The following TNPO3 variants were observed in gnomAD, a reference collection of about 807,000 sequenced individuals.
TNPO3 encodes the protein transportin-3.
TNPO3 carries 65 observed loss-of-function variants against 122.8 expected under a neutral mutation model. That is an observed-to-expected ratio of 0.53 (90% CI 0.43 to 0.65). TNPO3 has a LOEUF of 0.65. TNPO3 is among the 30% of genes least tolerant of loss of function. The probability of loss-of-function intolerance (pLI) is 0.00; values close to 1 mark genes in which losing one functional copy is unlikely to be tolerated. For synonymous variants in TNPO3, 372 were observed against 411.2 expected, an observed-to-expected ratio of 0.90 and a Z score of 1.15; for missense variants, 850 against 1,136.7, an observed-to-expected ratio of 0.75 and a Z score of 3.63.
At chr7:128,991,486 T>C (rs963753340) in intron 10 of TNPO3, among the ~76,000 whole-genome samples, 1 of 152,184 alleles carries the variant, frequency 6.6e-6, no homozygotes, top group African/African-American at 2.4e-5. Context: ...AGAAGTAAAA[T>C]TTGAATAATT....
chr7:128,977,283 C>T (rs772011064), intron 16 of TNPO3, among the ~76,000 whole-genome samples: 2 of 152,178 alleles, frequency 1.3e-5, no homozygotes, highest in Non-Finnish European at 2.9e-5. Context: ...ATGAGGGTAT[C>T]CTCCAACAGC....
chr7:129,055,839 G>T (rs1809409714), upstream of TNPO3: 1 of 562,042 alleles, frequency 1.8e-6, no homozygotes, highest in South Asian at 2.2e-5. Context: ...ACAGTATATT[G>T]ATATTAACAT....
chr7:129,015,131 T>C lies in TNPO3; in HGVS notation c.400A>G (p.Ser134Gly), dbSNP rs1479573485. The change falls in exon 4 of 23, where the codon AGC becomes GGC. Residue 134 changes from serine to glycine, a missense_variant. Physicochemically the swap from Ser to Gly is moderately conservative, Grantham distance 56 (BLOSUM62 0). Coordinates refer to ENST00000265388, the MANE Select transcript of TNPO3 (RefSeq NM_012470.4). ...AAAGGCAAAGAAGTCACATCATTGC[T>C]GTATCTGCAAAAGAAAAAAGTGGAG... ...GCVQTLVEKY[S>G]NDVTSLPFLL... 6.2e-7 allele frequency: 1 copy of C among 1,608,408 alleles called. No homozygotes were observed. Among genetic ancestry groups the C allele is most frequent in the Non-Finnish European group, 8.5e-7 (1 of 1,178,936 alleles).
chr7:129,016,777 C>T lies in TNPO3; in HGVS notation c.395+206G>A, dbSNP rs3847099. Reference sequence around the variant, plus strand: ...TTCAAGAAGTGTGTGTTACATAAATCACTAGTCTTTTACATCCCACACAAT... The same window carrying T: ...TTCAAGAAGTGTGTGTTACATAAATTACTAGTCTTTTACATCCCACACAAT... On this transcript the variant is annotated intron_variant, in intron 3 of 22. Transcript: ENST00000265388. Among the ~76,000 whole-genome samples, 96,853 of 152,112 alleles carry T rather than the reference C, an allele frequency of 0.64. 31,157 individuals carry two copies. The highest frequency in any genetic ancestry group is 0.71 in the Middle Eastern group (210 of 294).
chr7:129,016,783 T>C (rs1187628751), intron 3 of TNPO3, among the ~76,000 whole-genome samples, 200 bp downstream of exon 3: 2 of 152,252 alleles, frequency 1.3e-5, no homozygotes, highest in Non-Finnish European at 2.9e-5. Context: ...AAATCACTAG[T>C]CTTTTACATC....
chr7:129,027,501 T>TA (rs1805337856), intron 1 of TNPO3, among the ~76,000 whole-genome samples: 1 of 129,226 alleles, frequency 7.7e-6, no homozygotes, highest in Non-Finnish European at 1.5e-5. Context: ...GTGGATGCTG[T>TA]AGTGAGCCAA....
At chr7:129,004,954 C>T in intron 5 of TNPO3, 62 bp downstream of exon 5, 1 of 1,538,550 alleles carries the variant, frequency 6.5e-7, no homozygotes, top group South Asian at 1.2e-5. Flanking sequence ...TTTTATGTCC[C>T]AGCAGGTTAG....
chr7:129,017,009 C>G lies in TNPO3; in HGVS notation c.369G>C (p.Lys123Asn). ...ADLALQMPSW[K>N]GCVQTLVEKY... Reference sequence around the variant, plus strand: ...TTTCCACCAGTGTTTGCACACATCCCTTCCAGGAAGGCATCTGTAGGGCAA... The same window carrying G: ...TTTCCACCAGTGTTTGCACACATCCGTTCCAGGAAGGCATCTGTAGGGCAA... The change falls in exon 3 of 23, where the codon AAG (lysine) becomes AAC (asparagine). Residue 123 changes from lysine (K) to asparagine (N), a missense_variant. Physicochemically the swap from Lys to Asn is moderately conservative, Grantham distance 94 (BLOSUM62 0). Transcript: ENST00000265388. The G allele has an allele frequency of 1.2e-6, 2 of 1,613,142 alleles. No homozygotes were observed. The highest frequency in any genetic ancestry group is 1.1e-5 in the South Asian group (1 of 91,086).
intron 1 of TNPO3, among the ~76,000 whole-genome samples, chr7:129,022,565 G>A (rs554883001): frequency 6.6e-6 from 1 of 151,234 alleles, no homozygotes; most frequent in Non-Finnish European, 1.5e-5. Flanking sequence ...AAATACCAAC[G>A]CAGAACAACC....
At chr7:129,034,277 T>C (rs898924638) in intron 1 of TNPO3, among the ~76,000 whole-genome samples, 2 of 151,960 alleles carry the variant, frequency 1.3e-5, no homozygotes, top group African/African-American at 2.4e-5. Context: ...TCCCAACACT[T>C]TGGGAGACTG....
chr7:128,974,588 G>C (rs1217519729), intron 18 of TNPO3, among the ~76,000 whole-genome samples: 2 of 152,158 alleles, frequency 1.3e-5, no homozygotes, highest in African/African-American at 2.4e-5. Context: ...GAGGACTGTA[G>C]AGATGATCTA....
rs754938767 is a variant in TNPO3, at chr7:128,979,976, G to T, written c.1915C>A (p.Gln639Lys). 6 of 1,614,000 alleles carry T rather than the reference G, an allele frequency of 3.7e-6. No homozygotes were observed. The highest frequency in any genetic ancestry group is 5.1e-6 in the Non-Finnish European group (6 of 1,179,882). ...AAGCATCCATTAGCACTTACTTCCT[G>T]TATGACTTTCTGACACGGATGAGTC... ...GQTHPCQKVI[Q>K]EIWPVLSETL... Residue 639 changes from glutamine (Q) to lysine (K), a missense_variant, in exon 15 of 23, where the codon CAG becomes AAG. Physicochemically the swap from Gln to Lys is moderately conservative, Grantham distance 53. Transcript: ENST00000265388.
At chr7:129,001,268 T>TA in intron 5 of TNPO3, 34 bp from the exon 6 acceptor site, 1 of 1,580,280 alleles carries the variant, frequency 6.3e-7, no homozygotes, top group Non-Finnish European at 8.7e-7. Flanking sequence ...AAGCAAGAAG[T>TA]ATGATCACTA....
At position 128,976,124 on chromosome 7, in the gene TNPO3, T is replaced by A. The variant is rs958194303; in HGVS notation, c.2062-189A>T. Among the ~76,000 whole-genome samples the A allele has an allele frequency of 2.0e-5, 3 of 152,354 alleles. No homozygotes were observed. The South Asian group carries it at 6.2e-4, about 32-fold the overall frequency. On this transcript the variant is annotated intron_variant, in intron 16 of 22. Transcript: ENST00000265388. ...TCTCAATGATTTTCAGGTTCTCTAT[T>A]CTTCCAACCCTTTGACCTTTCATCT... is the stretch of plus-strand genomic sequence containing the variant.
chr7:129,003,603 T>A (rs1477052990), intron 5 of TNPO3, among the ~76,000 whole-genome samples: 1 of 152,012 alleles, frequency 6.6e-6, no homozygotes, highest in South Asian at 2.1e-4. Flanking sequence ...AGTTTGAGAC[T>A]ACAGTGAGCT....
intron 1 of TNPO3, 116 bp downstream of exon 1, chr7:129,054,535 C>A: frequency 6.8e-7 from 1 of 1,464,106 alleles, no homozygotes; most frequent in Non-Finnish European, 9.1e-7. Flanking sequence ...ACGACAGCAG[C>A]TCCTCCCCAA....
chr7:128,986,854 G>C lies in TNPO3; in HGVS notation c.1565C>G (p.Ala522Gly). 6.2e-7 allele frequency: 1 copy of C among 1,614,008 alleles called. No individual in the cohort carries two copies. The highest frequency in any genetic ancestry group is 1.3e-5 in the African/African-American group (1 of 75,022). Reference sequence around the variant, plus strand: ...GCAGACAGAGCAAATGTTATGAATGGCTTTGGCTGCAGCAGAAGCCAGGGG... The same window carrying C: ...GCAGACAGAGCAAATGTTATGAATGCCTTTGGCTGCAGCAGAAGCCAGGGG... Reference protein sequence around the residue: ...EKPLASAAAKAIHNICSVCRD... With the variant: ...EKPLASAAAKGIHNICSVCRD... The change falls in exon 12 of 23, where the codon GCC becomes GGC. Residue 522 changes from alanine to glycine, a missense_variant. Ala to Gly is a moderately conservative substitution (Grantham distance 60, BLOSUM62 0). Coordinates refer to ENST00000265388, the MANE Select transcript of TNPO3 (RefSeq NM_012470.4).
At chr7:129,012,132 A>C (rs1803289049) in intron 4 of TNPO3, among the ~76,000 whole-genome samples, 1 of 150,292 alleles carries the variant, frequency 6.7e-6, no homozygotes, top group Admixed American at 6.6e-5. Context: ...CAGCCTCCCG[A>C]CTAGCTGGGA....
chr7:128,967,317 G>T lies in TNPO3; in HGVS notation c.2674C>A (p.His892Asn), dbSNP rs1798015777. The stretch of plus-strand genomic sequence containing the variant: ...TTGTGGAAGTCTGTAAGTTGTTTGT[G>T]TGTCACTGTGACGGCTCCCACGGTT... ...ETTVGAVTVT[H>N]KQLTDFHKQV... Residue 892 changes from histidine (H) to asparagine (N), a missense_variant, in exon 21 of 23, where the codon CAC (histidine) becomes AAC (asparagine). Physicochemically the swap from His to Asn is moderately conservative, Grantham distance 68 (BLOSUM62 1). Coordinates refer to ENST00000265388, the MANE Select transcript of TNPO3 (RefSeq NM_012470.4). The T allele has an allele frequency of 1.2e-6, 2 of 1,613,902 alleles. No homozygotes were observed. Among genetic ancestry groups the T allele is most frequent in the Non-Finnish European group, 1.7e-6 (2 of 1,179,790 alleles).
Sources: allele counts gnomAD v4.1 joint callset (sites outside exome capture counted in the v4.1 genomes callset), GRCh38; gene constraint gnomAD v4.1.1; transcripts MANE v1.5; gene names NCBI Gene and HGNC (gene_info 2026-07-23, HGNC 2026-07-21).